Variants in GPC5 observed in about 807,000 individuals in gnomAD.
GPC5 encodes glypican 5, also known as glypican-5.
In GPC5, 47 loss-of-function variants were observed where a neutral mutation model predicts 53.9. The observed-to-expected ratio is 0.87, with a 90% CI of 0.69 to 1.11. The LOEUF is 1.11. GPC5 is among the 50% of genes most tolerant of loss of function. GPC5 has a pLI of 0.00. For missense variants in GPC5, 748 were observed against 713.1 expected (o/e 1.05, Z -0.56); for synonymous variants, 286 against 263.3 (o/e 1.09, Z -0.84).
chr13:91,688,710 G>A (rs1296108063), intron 2 of GPC5, among the ~76,000 whole-genome samples: 1 of 152,114 alleles, frequency 6.6e-6, no homozygotes, highest in South Asian at 2.1e-4. Context: ...TACTTACACA[G>A]ATCTAGACCT....
intron 7 of GPC5, among the ~76,000 whole-genome samples, chr13:92,291,225 G>C (rs925107057): frequency 2.6e-5 from 4 of 152,198 alleles, no homozygotes; most frequent in Non-Finnish European, 5.9e-5. Flanking sequence ...GGGCTGAGGA[G>C]TGCGGGCGCA....
chr13:92,190,729 G>C (rs186850571), intron 7 of GPC5, among the ~76,000 whole-genome samples: 9 of 152,020 alleles, frequency 5.9e-5, no homozygotes, highest in African/African-American at 1.9e-4. Context: ...AAGTATAATC[G>C]ATAAGCTAAG....
intron 7 of GPC5, among the ~76,000 whole-genome samples, chr13:92,818,750 G>T (rs1877571143): frequency 6.6e-6 from 1 of 151,960 alleles, no homozygotes; most frequent in Admixed American, 6.5e-5. Flanking sequence ...TGAGGTATTT[G>T]ATGAATAATA....
intron 7 of GPC5, among the ~76,000 whole-genome samples, chr13:92,481,476 G>T (rs138913592): frequency 2.0e-4 from 31 of 152,058 alleles, no homozygotes; most frequent in Non-Finnish European, 4.1e-4. Context: ...ACATGTATGC[G>T]CAAAAAGGGG....
At chr13:92,029,489 C>T (rs922391961) in intron 6 of GPC5, among the ~76,000 whole-genome samples, 6 of 152,154 alleles carry the variant, frequency 3.9e-5, no homozygotes, top group African/African-American at 1.4e-4. Context: ...CTCACTTCTT[C>T]CACCTTGGAC....
Position 91,933,367 on chromosome 13 carries a change from A to T in GPC5, c.1401+25310A>T, listed in dbSNP as rs73628742. ...AACCCAAATCATGTATCATGAATACATATTTTTTCTCTACTGAGATTTTCC... is the reference window on the plus strand; with the variant it reads ...AACCCAAATCATGTATCATGAATACTTATTTTTTCTCTACTGAGATTTTCC... On this transcript the variant is annotated intron_variant, in intron 6 of 7. Coordinates refer to ENST00000377067, the MANE Select transcript of GPC5 (RefSeq NM_004466.6). Among the ~76,000 whole-genome samples the T allele has an allele frequency of 2.0e-5, 3 of 151,956 alleles. No homozygotes were observed. In the East Asian group the frequency reaches 5.8e-4, roughly 29 times the overall value.
chr13:92,753,752 A>C (rs1440806502), intron 7 of GPC5, among the ~76,000 whole-genome samples: 1 of 152,158 alleles, frequency 6.6e-6, no homozygotes, highest in Non-Finnish European at 1.5e-5. Flanking sequence ...AAATGAATGA[A>C]ATGAAGCGAG....
chr13:91,758,087 T>C (rs2138645336), intron 5 of GPC5, among the ~76,000 whole-genome samples: 1 of 152,206 alleles, frequency 6.6e-6, no homozygotes, highest in East Asian at 1.9e-4. Flanking sequence ...TATTTAAATT[T>C]AAATAAAATA....
chr13:91,518,866 C>T (rs1404098578), intron 2 of GPC5, among the ~76,000 whole-genome samples: 1 of 152,122 alleles, frequency 6.6e-6, no homozygotes, highest in African/African-American at 2.4e-5. Context: ...TTTCAGCTTT[C>T]TAAAGAGGCA....
chr13:91,523,986 C>CT (rs1219197169), intron 2 of GPC5, among the ~76,000 whole-genome samples: 7 of 151,804 alleles, frequency 4.6e-5, no homozygotes, highest in Non-Finnish European at 7.4e-5. Context: ...TATTAGAAAA[C>CT]TACATTTATT....
intron 2 of GPC5, among the ~76,000 whole-genome samples, chr13:91,457,648 G>A (rs745724940): frequency 1.3e-5 from 2 of 152,120 alleles, no homozygotes; most frequent in Non-Finnish European, 2.9e-5. Context: ...GTGGGAAATA[G>A]AAAAGGTAAT....
intron 5 of GPC5, among the ~76,000 whole-genome samples, chr13:91,895,290 T>C (rs1465099656): frequency 6.6e-6 from 1 of 152,128 alleles, no homozygotes; most frequent in Non-Finnish European, 1.5e-5. Flanking sequence ...TAATGTTTAT[T>C]TGGGGATAGG....
chr13:91,412,859 G>C (rs1348775495), intron 1 of GPC5, among the ~76,000 whole-genome samples: 1 of 152,184 alleles, frequency 6.6e-6, no homozygotes, highest in Non-Finnish European at 1.5e-5. Context: ...TTCCAAGAAA[G>C]TAATTGGACA....
chr13:91,807,688 A>G (rs1015068739), intron 5 of GPC5, among the ~76,000 whole-genome samples: 11 of 152,188 alleles, frequency 7.2e-5, no homozygotes, highest in Non-Finnish European at 1.5e-4. Context: ...ATTTTCATGC[A>G]TAATTATAAA....
At chr13:92,088,509 G>T (rs1320105499) in intron 6 of GPC5, among the ~76,000 whole-genome samples, 3 of 152,076 alleles carry the variant, frequency 2.0e-5, no homozygotes, top group African/African-American at 7.2e-5. Flanking sequence ...GAGTCCTTAG[G>T]GGCCCCAAGT....
chr13:92,594,399 G>T (rs1158618009), intron 7 of GPC5, among the ~76,000 whole-genome samples: 4 of 152,280 alleles, frequency 2.6e-5, no homozygotes, highest in East Asian at 1.9e-4. Flanking sequence ...CTGACATGGA[G>T]AGATTTTAAG....
At chr13:92,276,302 C>G (rs1241114691) in intron 7 of GPC5, among the ~76,000 whole-genome samples, 1 of 152,066 alleles carries the variant, frequency 6.6e-6, no homozygotes, top group Non-Finnish European at 1.5e-5. Flanking sequence ...ATTTGTGATC[C>G]ACAGTGCACC....
At chr13:92,345,148 C>A (rs2043400165) in intron 7 of GPC5, among the ~76,000 whole-genome samples, 1 of 151,852 alleles carries the variant, frequency 6.6e-6, no homozygotes, top group South Asian at 2.1e-4. Context: ...ATGAAACATT[C>A]AATAAATTCA....
At chr13:92,458,589 T>C (rs988146352) in intron 7 of GPC5, among the ~76,000 whole-genome samples, 7 of 151,686 alleles carry the variant, frequency 4.6e-5, no homozygotes, top group Non-Finnish European at 1.5e-5. Context: ...TGAGCTACCG[T>C]GCCCTGCCTT....
Sources: allele counts gnomAD v4.1 joint callset (sites outside exome capture counted in the v4.1 genomes callset), GRCh38; gene constraint gnomAD v4.1.1; transcripts MANE v1.5; gene names NCBI Gene and HGNC (gene_info 2026-07-23, HGNC 2026-07-21).